Variants in ARHGAP28 observed in about 807,000 individuals in gnomAD.
ARHGAP28 encodes the protein Rho GTPase activating protein 28.
In ARHGAP28, 56 loss-of-function variants were observed where a neutral mutation model predicts 90.7. That is an observed-to-expected ratio of 0.62 (90% confidence interval 0.50 to 0.77). The LOEUF (loss-of-function observed/expected upper bound fraction) is 0.77. Ranked by LOEUF, ARHGAP28 falls within the 30% of genes least tolerant of loss-of-function variation. The pLI is 0.00. For missense variants in ARHGAP28, 869 were observed against 900.9 expected, an observed-to-expected ratio of 0.96 and a Z score of 0.45; for synonymous variants, 308 against 323.3, an observed-to-expected ratio of 0.95 and a Z score of 0.51.
intron 9 of ARHGAP28, among the ~76,000 whole-genome samples, chr18:6,875,191 T>G (rs1336425430): frequency 6.6e-6 from 1 of 152,234 alleles, no homozygotes; most frequent in Non-Finnish European, 1.5e-5. Flanking sequence ...CTAGTTAAAC[T>G]AAATATGGAT....
chr18:6,812,200 TGGGTAATTTTTGTTTTAAAGA>T (rs1271064636), intron 1 of ARHGAP28, among the ~76,000 whole-genome samples: 1 of 152,224 alleles, frequency 6.6e-6, no homozygotes, highest in Non-Finnish European at 1.5e-5. Flanking sequence ...AAGCAGAATA[TGGGTAATTTTTGTTTTAAAGA>T]GGGAGCTTTA....
intron 1 of ARHGAP28, among the ~76,000 whole-genome samples, chr18:6,751,144 T>C (rs534442956): frequency 2.0e-5 from 3 of 152,070 alleles, no homozygotes; most frequent in African/African-American, 7.2e-5. Context: ...CAATGTATGA[T>C]TTTTTTTAAT....
At chr18:6,738,801 A>G (rs1203924006) in intron 1 of ARHGAP28, among the ~76,000 whole-genome samples, 2 of 152,190 alleles carry the variant, frequency 1.3e-5, no homozygotes, top group African/African-American at 4.8e-5. Context: ...AAACGCAGTC[A>G]AAGAAGTGAG....
chr18:6,746,251 C>T (rs2056022178), intron 1 of ARHGAP28, among the ~76,000 whole-genome samples: 1 of 152,194 alleles, frequency 6.6e-6, no homozygotes, highest in African/African-American at 2.4e-5. Flanking sequence ...GGAAGTCACA[C>T]ACCTCAGTGC....
chr18:6,822,533 T>G (rs2056633423), intron 1 of ARHGAP28, among the ~76,000 whole-genome samples: 1 of 152,222 alleles, frequency 6.6e-6, no homozygotes, highest in Admixed American at 6.5e-5. Context: ...TTCATAGGTA[T>G]TTCAACTGCT....
chr18:6,785,522 CTT>C (rs915392678), intron 1 of ARHGAP28, among the ~76,000 whole-genome samples: 3 of 152,188 alleles, frequency 2.0e-5, no homozygotes, highest in African/African-American at 7.2e-5. Flanking sequence ...GCTTCCTCCT[CTT>C]TGCTTCCTTA....
chr18:6,850,477 G>T (rs1270146759), intron 3 of ARHGAP28, among the ~76,000 whole-genome samples: 1 of 152,198 alleles, frequency 6.6e-6, no homozygotes, highest in East Asian at 1.9e-4. Flanking sequence ...GGCTGGTATG[G>T]CTGCCCTGGC....
intron 6 of ARHGAP28, among the ~76,000 whole-genome samples, chr18:6,868,767 T>TA (rs1386909650): frequency 6.6e-6 from 1 of 152,124 alleles, no homozygotes. Context: ...TTTCCCAAAA[T>TA]ACATGCATTC....
intron 1 of ARHGAP28, chr18:6,754,928 C>G (rs1034025084): frequency 1.3e-5 from 2 of 152,238 alleles, no homozygotes; most frequent in Admixed American, 1.3e-4. Flanking sequence ...GGTGGATCAC[C>G]TGAGGTCAGG....
intron 1 of ARHGAP28, among the ~76,000 whole-genome samples, chr18:6,766,917 CG>C (rs2056204425): frequency 1.3e-5 from 2 of 152,124 alleles, no homozygotes; most frequent in African/African-American, 4.8e-5. Context: ...TATCTTGGTC[CG>C]TCCTTTACTT....
intron 3 of ARHGAP28, among the ~76,000 whole-genome samples, chr18:6,843,367 T>G (rs1468539130): frequency 3.3e-5 from 5 of 152,186 alleles, no homozygotes; most frequent in Non-Finnish European, 7.3e-5. Context: ...TCCAGTTACT[T>G]TGGTTCTTCT....
intron 2 of ARHGAP28, among the ~76,000 whole-genome samples, chr18:6,833,756 A>G (rs952997087): frequency 6.6e-6 from 1 of 152,162 alleles, no homozygotes; most frequent in Non-Finnish European, 1.5e-5. Context: ...GTGTGAACTT[A>G]GTCATTTCAT....
chr18:6,849,146 T>C (rs564500600), intron 3 of ARHGAP28, among the ~76,000 whole-genome samples: 3 of 150,440 alleles, frequency 2.0e-5, no homozygotes, highest in African/African-American at 7.3e-5. Flanking sequence ...TAGTCCCAGC[T>C]ATTTGGGAGG....
At chr18:6,825,809 G>A (rs1043265556) in intron 2 of ARHGAP28, among the ~76,000 whole-genome samples, 1 of 152,150 alleles carries the variant, frequency 6.6e-6, no homozygotes, top group Non-Finnish European at 1.5e-5. Context: ...TGGCTGCATA[G>A]TATCCCATCT....
At chr18:6,907,268 C>T (rs77530930) in intron 16 of ARHGAP28, among the ~76,000 whole-genome samples, 37,599 of 152,014 alleles carry the variant, frequency 0.25, 5,013 homozygotes, top group Non-Finnish European at 0.29. Flanking sequence ...AAAACTAAAT[C>T]TCCAACTGCC....
intron 3 of ARHGAP28, among the ~76,000 whole-genome samples, chr18:6,841,199 C>T (rs1321356368): frequency 1.6e-5 from 1 of 62,292 alleles, no homozygotes. Flanking sequence ...CTCTCTCTCT[C>T]TCTCCTCTCC....
chr18:6,795,577 G>T (rs776897503), intron 1 of ARHGAP28, among the ~76,000 whole-genome samples: 4 of 152,228 alleles, frequency 2.6e-5, no homozygotes, highest in Non-Finnish European at 5.9e-5. Context: ...TACACTGGCA[G>T]CTGGCGTGTA....
chr18:6,741,874 T>G (rs1055183536), intron 1 of ARHGAP28, among the ~76,000 whole-genome samples: 5 of 152,208 alleles, frequency 3.3e-5, no homozygotes, highest in African/African-American at 1.2e-4. Flanking sequence ...ACTGTAATCT[T>G]GTAGCTCTTT....
At chr18:6,839,518 C>T (rs991715651) in intron 3 of ARHGAP28, among the ~76,000 whole-genome samples, 4 of 152,148 alleles carry the variant, frequency 2.6e-5, no homozygotes, top group Admixed American at 6.5e-5. Flanking sequence ...AGGATGGTCT[C>T]GATTTCCTGA....
Sources: gnomAD v4.1 joint callset for allele counts (sites outside exome capture counted in the v4.1 genomes callset) on GRCh38, gnomAD v4.1.1 for gene constraint, MANE v1.5 for transcripts, NCBI Gene and HGNC (gene_info 2026-07-23, HGNC 2026-07-21) for gene names.